NAF1: variants seen among roughly 807,000 people sequenced by gnomAD.
NAF1 encodes the protein H/ACA ribonucleoprotein complex non-core subunit NAF1.
NAF1 carries 11 observed loss-of-function variants against 40.6 expected under a neutral mutation model. That is an observed-to-expected ratio of 0.27 (90% CI 0.17 to 0.45). NAF1 has a LOEUF of 0.45. Among genes scored for constraint, NAF1 ranks in the 20% least tolerant of loss-of-function variants. The pLI, the probability that NAF1 is intolerant of heterozygous loss-of-function variation, is 1.00. For missense variants in NAF1, 607 were observed against 611.1 expected (o/e 0.99, Z 0.07); for synonymous variants, 260 against 228.5 (o/e 1.14, Z -1.24).
At chr4:163,118,855 T>C (rs932985862) in intron 2 of NAF1, among the ~76,000 whole-genome samples, 1 of 152,214 alleles carries the variant, frequency 6.6e-6, no homozygotes, top group African/African-American at 2.4e-5. Flanking sequence ...ATCTATCCAG[T>C]CCAGCCAGCT....
chr4:163,137,661 A>T (rs1257530293), intron 5 of NAF1, among the ~76,000 whole-genome samples: 2 of 152,164 alleles, frequency 1.3e-5, no homozygotes, highest in Non-Finnish European at 2.9e-5. Flanking sequence ...CTTTTCACAG[A>T]TTTTACAGGT....
At chr4:163,135,920 T>C (rs1283954979) in intron 6 of NAF1, 2 of 152,362 alleles carry the variant, frequency 1.3e-5, no homozygotes, top group East Asian at 3.9e-4. Context: ...TAAAACTTAA[T>C]TCAGAACATT....
chr4:163,153,012 C>A (rs1220738363), intron 2 of NAF1, among the ~76,000 whole-genome samples: 1 of 152,210 alleles, frequency 6.6e-6, no homozygotes, highest in African/African-American at 2.4e-5. Flanking sequence ...GGAGGGTGAA[C>A]TGGGTCCCCC....
At chr4:163,143,942 A>G in intron 4 of NAF1, 1 of 746,148 alleles carries the variant, frequency 1.3e-6, no homozygotes. Flanking sequence ...TGATCATTTC[A>G]ATCACTGTGT....
At chr4:163,154,056 A>G (rs956234821) in intron 2 of NAF1, among the ~76,000 whole-genome samples, 1 of 151,906 alleles carries the variant, frequency 6.6e-6, no homozygotes, top group Admixed American at 6.6e-5. Flanking sequence ...CTGAGCCAGC[A>G]AGACCACGAA....
chr4:163,110,333 G>A, intron 2 of NAF1: 1 of 695,702 alleles, frequency 1.4e-6, no homozygotes, highest in South Asian at 1.5e-5. Context: ...GAGAGAGAAA[G>A]AATACATTCA....
At chr4:163,156,861 T>C (rs1268258709) in intron 2 of NAF1, 2 of 152,156 alleles carry the variant, frequency 1.3e-5, no homozygotes, top group African/African-American at 2.4e-5. Flanking sequence ...AAGCCTGTTC[T>C]GGATGTACAT....
At chr4:163,158,820 AAAT>A (rs1349946045) in intron 2 of NAF1, among the ~76,000 whole-genome samples, 1 of 152,220 alleles carries the variant, frequency 6.6e-6, no homozygotes, top group East Asian at 1.9e-4. Context: ...AAAGACTGCC[AAAT>A]AATTGTAAAA....
intron 6 of NAF1, 145 bp downstream of exon 6, chr4:163,137,054 G>T: frequency 1.2e-6 from 1 of 859,402 alleles, no homozygotes; most frequent in African/African-American, 1.8e-5. Flanking sequence ...CTAGGACGGT[G>T]AGAGAATACA....
Position 163,149,385 on chromosome 4 carries a change from C to T in NAF1, c.541-951G>A, listed in dbSNP as rs185584140. ...TACATAACATGAAGTATACTGCAGA[C>T]GAATGCATCCTGAGTAATCATATTA... On this transcript the variant is annotated intron_variant, in intron 2 of 7. Transcript: ENST00000274054. Among the ~76,000 whole-genome samples the T allele has an allele frequency of 1.3e-3, 202 of 152,250 alleles. 1 individual carries two copies. The highest frequency in any genetic ancestry group is 3.4e-3 in the African/African-American group (142 of 41,564).
chr4:163,148,605 C>T (rs1421132453), intron 2 of NAF1, among the ~76,000 whole-genome samples, 171 bp from the exon 3 acceptor site: 1 of 152,108 alleles, frequency 6.6e-6, no homozygotes, highest in Non-Finnish European at 1.5e-5. Context: ...CACTTCTCTC[C>T]CTCCAACATT....
At position 163,115,204 on chromosome 4, in the gene NAF1, TTTATTTA is replaced by T. The variant is rs1486115125; in HGVS notation, c.115-4921_115-4915del. ...ATTGGCGATATAGGACAATAATTTT[TTTATTTA>T]TTTTTTTTTTTTTTTGAGACAGAGT... On this transcript the variant is annotated intron_variant, in intron 2 of 2. Transcript: ENST00000509434. Among the ~76,000 whole-genome samples, 314 of 97,936 alleles carry T rather than the reference TTTATTTA, an allele frequency of 3.2e-3. 32 individuals carry two copies. Among genetic ancestry groups the T allele is most frequent in the Non-Finnish European group, 4.6e-3 (220 of 47,364 alleles). The allele number at this position is 97,936 out of a possible 152,430, so 64.2% of individuals were successfully genotyped here.
chr4:163,164,183 A>C, intron 2 of NAF1, 34 bp downstream of exon 2: 2 of 1,476,734 alleles, frequency 1.4e-6, no homozygotes, highest in Non-Finnish European at 9.0e-7. Flanking sequence ...GTTTTAAAAC[A>C]TGCAAACTAA....
chr4:163,116,076 G>A (rs1434661796), intron 2 of NAF1, among the ~76,000 whole-genome samples: 1 of 152,132 alleles, frequency 6.6e-6, no homozygotes, highest in Non-Finnish European at 1.5e-5. Flanking sequence ...CTAAGTTCTT[G>A]CTAAACTTAT....
intron 3 of NAF1, among the ~76,000 whole-genome samples, chr4:163,148,107 G>C (rs929410752): frequency 6.6e-6 from 1 of 152,010 alleles, no homozygotes; most frequent in Non-Finnish European, 1.5e-5. Flanking sequence ...CAAATCAAAG[G>C]AAATTCCGGA....
At chr4:163,160,509 T>C (rs1403070501) in intron 2 of NAF1, among the ~76,000 whole-genome samples, 2 of 152,218 alleles carry the variant, frequency 1.3e-5, no homozygotes, top group Non-Finnish European at 2.9e-5. Flanking sequence ...AGATCTGCAT[T>C]GTACATAGTT....
At chr4:163,137,039 G>A (rs988230610) in intron 6 of NAF1, among the ~76,000 whole-genome samples, 160 bp downstream of exon 6, 6 of 152,140 alleles carry the variant, frequency 3.9e-5, no homozygotes, top group African/African-American at 1.4e-4. Flanking sequence ...GTATGAAATA[G>A]TCATCTAGGA....
chr4:163,106,990 T>C (rs1265829074), downstream of NAF1, among the ~76,000 whole-genome samples: 3 of 151,656 alleles, frequency 2.0e-5, no homozygotes, highest in Admixed American at 6.6e-5. Context: ...ATTTGAGGCT[T>C]TCTTTTTTTT....
Position 163,159,617 on chromosome 4 carries a change from T to C in NAF1, c.540+4600A>G, listed in dbSNP as rs184918934. On this transcript the variant is annotated intron_variant, in intron 2 of 7. Transcript: ENST00000274054. ...CAACCACTTGAGTGGTCCAGATATTTCCATACATTCACGTTAGGACATTTT... is the reference window on the plus strand; with the variant it reads ...CAACCACTTGAGTGGTCCAGATATTCCCATACATTCACGTTAGGACATTTT... Among the ~76,000 whole-genome samples the C allele has an allele frequency of 1.9e-4, 29 of 152,232 alleles. 1 individual carries two copies. Among genetic ancestry groups the C allele is most frequent in the Admixed American group, 1.9e-3 (29 of 15,304 alleles).
Sources: allele counts gnomAD v4.1 joint callset (sites outside exome capture counted in the v4.1 genomes callset), GRCh38; gene constraint gnomAD v4.1.1; transcripts MANE v1.5; gene names NCBI Gene and HGNC (gene_info 2026-07-23, HGNC 2026-07-21).